NCS1: variants seen among roughly 807,000 people sequenced by gnomAD.
NCS1 encodes the protein frequenin homolog.
NCS1 carries 6 observed loss-of-function variants against 28.4 expected under a neutral mutation model. That is an observed-to-expected ratio of 0.21 (90% confidence interval 0.12 to 0.42). The LOEUF is 0.42. NCS1 is among the 10% of genes least tolerant of loss of function. NCS1 has a pLI of 1.00. For missense variants in NCS1, 131 were observed against 241.4 expected, an observed-to-expected ratio of 0.54 and a Z score of 3.03; for synonymous variants, 86 against 99.3, an observed-to-expected ratio of 0.87 and a Z score of 0.79.
At chr9:130,199,877 C>A (rs1235805240) in intron 1 of NCS1, among the ~76,000 whole-genome samples, 1 of 147,120 alleles carries the variant, frequency 6.8e-6, no homozygotes, top group African/African-American at 2.5e-5. Flanking sequence ...ACCTGACACC[C>A]CTTTCCTGTC....
At chr9:130,183,529 C>T (rs921726646) in intron 1 of NCS1, among the ~76,000 whole-genome samples, 38 of 152,202 alleles carry the variant, frequency 2.5e-4, no homozygotes, top group African/African-American at 9.2e-4. Flanking sequence ...CTTGAGTTTT[C>T]AGCAGGGAAG....
At chr9:130,201,462 G>A (rs1018757223) in intron 2 of NCS1, among the ~76,000 whole-genome samples, 2 of 152,086 alleles carry the variant, frequency 1.3e-5, no homozygotes, top group African/African-American at 4.8e-5. Context: ...TAAGGATTCC[G>A]AGGCCGTACG....
chr9:130,211,637 C>T (rs1833114194), intron 2 of NCS1, among the ~76,000 whole-genome samples: 1 of 152,038 alleles, frequency 6.6e-6, no homozygotes, highest in South Asian at 2.1e-4. Context: ...TCTCCCCTTC[C>T]TGGTACCGAG....
intron 2 of NCS1, among the ~76,000 whole-genome samples, chr9:130,216,585 A>G (rs1480781629): frequency 2.0e-5 from 3 of 151,998 alleles, no homozygotes; most frequent in Non-Finnish European, 4.4e-5. Flanking sequence ...GTGTGGTGGT[A>G]CATGCCTGTA....
Position 130,180,476 on chromosome 9 carries a change from T to G in NCS1, c.64+7749T>G, listed in dbSNP as rs781976180. Among the ~76,000 whole-genome samples the G allele has an allele frequency of 6.6e-6, 1 of 152,198 alleles. No individual in the cohort carries two copies. The highest frequency in any genetic ancestry group is 2.4e-5 in the African/African-American group (1 of 41,434). ...TGGTCATAACAAGATGAATCAATTT[T>G]CACATTCTGTGTGTGATCTATTTTG... On this transcript the variant is annotated intron_variant, in intron 1 of 7. Transcript: ENST00000372398. The surrounding 1 kb of genome is among the most constrained non-coding windows in gnomAD (Gnocchi z 4.5).
Position 130,192,884 on chromosome 9 carries a change from CCTCCCAGTGTGCGGTA to C in NCS1, c.65-8069_65-8054del, listed in dbSNP as rs1368031530. Among the ~76,000 whole-genome samples the C allele has an allele frequency of 6.6e-6, 1 of 152,210 alleles. No individual in the cohort carries two copies. Among genetic ancestry groups the C allele is most frequent in the African/African-American group, 2.4e-5 (1 of 41,458 alleles). On this transcript the variant is annotated intron_variant, in intron 1 of 7. Coordinates refer to ENST00000372398, the MANE Select transcript of NCS1 (RefSeq NM_014286.4). The surrounding 1 kb of genome is among the most constrained non-coding windows in gnomAD (Gnocchi z 4.8). ...TTCACTCTCTTTTCTGTCCTCCCCA[CCTCCCAGTGTGCGGTA>C]CTCCATGGTTGGCACAGCTAGTAAT...
chr9:130,221,830 A>G (rs1196918683), intron 4 of NCS1, among the ~76,000 whole-genome samples: 18 of 107,888 alleles, frequency 1.7e-4, no homozygotes, highest in African/African-American at 6.2e-4. Flanking sequence ...TTATGTATAT[A>G]TAAATATATA....
In NCS1 at chr9:130,226,209, A is replaced by G. The variant is rs1037153652; in HGVS notation, c.475-180A>G. On this transcript the variant is annotated intron_variant, in intron 6 of 7. Coordinates refer to ENST00000372398, the MANE Select transcript of NCS1 (RefSeq NM_014286.4). This position sits in a 1 kb window ranked among gnomAD's most constrained non-coding sequence, Gnocchi z 4.8. ...GCCCAGAGAGGTGGGCCACGGCCCA[A>G]GGCCACCCTGCCATGAGTGCCGAGG... Among the ~76,000 whole-genome samples the G allele has an allele frequency of 1.3e-5, 2 of 152,210 alleles. No homozygotes were observed. Among genetic ancestry groups the G allele is most frequent in the African/African-American group, 4.8e-5 (2 of 41,452 alleles).
intron 1 of NCS1, among the ~76,000 whole-genome samples, chr9:130,193,182 C>CAGGAGAAA (rs1832839012): frequency 6.6e-6 from 1 of 152,202 alleles, no homozygotes; most frequent in Non-Finnish European, 1.5e-5. Flanking sequence ...ACCCTATTCT[C>CAGGAGAAA]AGGAGATGGT....
rs75259910 is a variant in NCS1 at position 130,179,361 on chromosome 9, G to A, written c.64+6634G>A. On this transcript the variant is annotated intron_variant, in intron 1 of 7. Coordinates refer to ENST00000372398, the MANE Select transcript of NCS1 (RefSeq NM_014286.4). The stretch of plus-strand genomic sequence containing the variant: ...TTTTAGAGCATGATTTTTTTTCATG[G>A]TGCATCATATGGACAGAACATATTT... Among the ~76,000 whole-genome samples, 1,507 of 152,004 alleles carry A rather than the reference G, an allele frequency of 9.9e-3. 23 individuals carry two copies. Among genetic ancestry groups the A allele is most frequent in the African/African-American group, 0.035 (1,434 of 41,452 alleles).
intron 6 of NCS1, among the ~76,000 whole-genome samples, chr9:130,224,580 G>T (rs1554911134): frequency 6.7e-6 from 1 of 149,866 alleles, no homozygotes; most frequent in Non-Finnish European, 1.5e-5. Context: ...TAAAATAAAA[G>T]GAACCATAGA....
rs781803850 is a variant in NCS1 at position 130,201,021 on chromosome 9, G to A, written c.89+39G>A. On this transcript the variant is annotated intron_variant, in intron 2 of 7. Transcript: ENST00000372398. Reference sequence around the variant, plus strand: ...TTTTCTCAAACCGTAGAGGGGCTGCGGCTGTGGGCTTTGTGGGCTGTGGGC... The same window carrying A: ...TTTTCTCAAACCGTAGAGGGGCTGCAGCTGTGGGCTTTGTGGGCTGTGGGC... 8 of 1,613,738 alleles carry A rather than the reference G, an allele frequency of 5.0e-6. No homozygotes were observed. In the African/African-American group the frequency reaches 5.3e-5, roughly 11 times the overall value.
At chr9:130,193,423 G>A (rs1196101324) in intron 1 of NCS1, among the ~76,000 whole-genome samples, 5 of 152,084 alleles carry the variant, frequency 3.3e-5, no homozygotes, top group Admixed American at 6.5e-5. Flanking sequence ...GGGATGGTGT[G>A]GGGGCGACGT....
At chr9:130,206,635 C>T (rs759493928) in intron 2 of NCS1, among the ~76,000 whole-genome samples, 7 of 152,112 alleles carry the variant, frequency 4.6e-5, no homozygotes, top group Non-Finnish European at 8.8e-5. Flanking sequence ...GTCTCGAACT[C>T]CTGACCTCAG....
intron 6 of NCS1, among the ~76,000 whole-genome samples, chr9:130,225,499 G>A (rs1233380224): frequency 2.0e-5 from 3 of 152,266 alleles, no homozygotes; most frequent in Non-Finnish European, 4.4e-5. Flanking sequence ...CCCCCTGTCT[G>A]CACTTCCGTC....
intron 4 of NCS1, among the ~76,000 whole-genome samples, chr9:130,222,007 TATAAATATATATAC>T (rs1193892326): frequency 1.2e-5 from 1 of 80,288 alleles, no homozygotes; most frequent in African/African-American, 4.3e-5. Context: ...AAATTATGTA[TATAAATATATATAC>T]ATAAATATAA....
intron 1 of NCS1, among the ~76,000 whole-genome samples, chr9:130,190,280 A>G (rs1832800594): frequency 6.6e-6 from 1 of 152,192 alleles, no homozygotes; most frequent in Admixed American, 6.5e-5. Context: ...TGGAGCACCC[A>G]GCCATTGGGG....
chr9:130,174,128 C>T (rs1832529901), intron 1 of NCS1, among the ~76,000 whole-genome samples: 1 of 152,166 alleles, frequency 6.6e-6, no homozygotes, highest in Non-Finnish European at 1.5e-5. Context: ...TTGTGAGATT[C>T]GCTGGGGACT....
intron 1 of NCS1, among the ~76,000 whole-genome samples, chr9:130,199,742 T>C (rs548277326): frequency 6.6e-6 from 1 of 152,354 alleles, no homozygotes; most frequent in South Asian, 2.1e-4. Flanking sequence ...GAGCTTGCTT[T>C]GAGTGGTTTT....
Sources: allele counts gnomAD v4.1 joint callset (sites outside exome capture counted in the v4.1 genomes callset), GRCh38; gene constraint gnomAD v4.1.1; non-coding constraint Gnocchi (gnomAD v3.1); transcripts MANE v1.5; gene names NCBI Gene and HGNC (gene_info 2026-07-23, HGNC 2026-07-21).